The following MAP2K5 variants were observed in gnomAD, a reference collection of about 807,000 sequenced individuals.
The protein encoded by MAP2K5 is mitogen-activated protein kinase kinase 5.
Under a neutral mutation model 83.1 loss-of-function variants are expected in MAP2K5, and 49 were observed. The ratio of observed to expected loss-of-function variants is 0.59; its 90% CI spans 0.47 to 0.75. The LOEUF (loss-of-function observed/expected upper bound fraction) is 0.75, where lower values mean the gene tolerates loss of function less well. MAP2K5 is among the 30% of genes least tolerant of loss of function. The probability of loss-of-function intolerance (pLI) is 0.00; values close to 1 mark genes in which losing one functional copy is unlikely to be tolerated. For missense variants in MAP2K5, 457 were observed against 557.5 expected (o/e 0.82, Z 1.82); for synonymous variants, 202 against 191.8 (o/e 1.05, Z -0.44).
At position 67,748,859 on chromosome 15, in the gene MAP2K5, A is replaced by G. The variant is rs1279962431; in HGVS notation, c.1134+258A>G. On this transcript the variant is annotated intron_variant, in intron 19 of 21. Coordinates refer to ENST00000178640, the MANE Select transcript of MAP2K5 (RefSeq NM_145160.3). The surrounding 1 kb of genome is among the most constrained non-coding windows in gnomAD (Gnocchi z 4.0). ...GATGCCCTAAAGACAAAACACAATA[A>G]TATTAATTGACCCTCTCCCTGGCCA... Among the ~76,000 whole-genome samples the G allele has an allele frequency of 6.6e-6, 1 of 152,180 alleles. No homozygotes were observed. The highest frequency in any genetic ancestry group is 1.5e-5 in the Non-Finnish European group (1 of 68,040).
At chr15:67,546,393 A>C (rs557045872) in intron 1 of MAP2K5, 111 of 159,110 alleles carry the variant, frequency 7.0e-4, no homozygotes, top group Admixed American at 1.4e-3. Flanking sequence ...CACAGATGCC[A>C]GAAGCAGGTT....
At chr15:67,645,417 G>T (rs11637027) in intron 9 of MAP2K5, among the ~76,000 whole-genome samples, 82,252 of 151,686 alleles carry the variant, frequency 0.54, 23,009 homozygotes, top group Non-Finnish European at 0.6. Flanking sequence ...GGCAGAGATT[G>T]CAGTGAACCA....
In MAP2K5 at chr15:67,790,437, A is replaced by G. The variant is rs761616134; in HGVS notation, c.1243-16209A>G. Among the ~76,000 whole-genome samples, 4 of 152,192 alleles carry G rather than the reference A, an allele frequency of 2.6e-5. No homozygotes were observed. The highest frequency in any genetic ancestry group is 5.9e-5 in the Non-Finnish European group (4 of 68,042). On this transcript the variant is annotated intron_variant, in intron 21 of 21. Coordinates refer to ENST00000178640, the MANE Select transcript of MAP2K5 (RefSeq NM_145160.3). This position sits in a 1 kb window ranked among gnomAD's most constrained non-coding sequence, Gnocchi z 4.6. ...TAAAAATACCCTTTTCATATCACAC[A>G]CTAATAAACTGTATTTGAAATGCTG...
intron 13 of MAP2K5, among the ~76,000 whole-genome samples, chr15:67,685,471 T>TGATG (rs1365392362): frequency 1.8e-4 from 22 of 124,638 alleles, no homozygotes; most frequent in Non-Finnish European, 5.4e-5. Context: ...AGGAAACTGA[T>TGATG]GATGGATGGT....
rs2090722749 is a variant in MAP2K5, at chr15:67,802,420, T to G, written c.1243-4226T>G. On this transcript the variant is annotated intron_variant, in intron 21 of 21. Coordinates refer to ENST00000178640, the MANE Select transcript of MAP2K5 (RefSeq NM_145160.3). The surrounding 1 kb of genome is among the most constrained non-coding windows in gnomAD (Gnocchi z 5.0). ...CTCCCGACTCTCCCCTGTGTCCCAC[T>G]TTTGGAGTCATCCTGCCTCTGGCAG... Among the ~76,000 whole-genome samples, 1 of 152,256 alleles carries G rather than the reference T, an allele frequency of 6.6e-6. No homozygotes were observed. Among genetic ancestry groups the G allele is most frequent in the Non-Finnish European group, 1.5e-5 (1 of 68,042 alleles).
intron 9 of MAP2K5, chr15:67,642,449 A>G (rs1346038873): frequency 6.2e-7 from 1 of 1,611,606 alleles, no homozygotes; most frequent in Non-Finnish European, 8.5e-7. Flanking sequence ...GGCAGAATGT[A>G]CATATTGAGG....
chr15:67,750,247 A>C lies in MAP2K5; in HGVS notation c.1134+1646A>C, dbSNP rs1475258130. Reference sequence around the variant, plus strand: ...CATTTCTTTCTTAGTCAAGAGAAAAATGTAACTTAGACATATATTCCTGTT... The same window carrying C: ...CATTTCTTTCTTAGTCAAGAGAAAACTGTAACTTAGACATATATTCCTGTT... On this transcript the variant is annotated intron_variant, in intron 19 of 21. Transcript: ENST00000178640. This position sits in a 1 kb window ranked among gnomAD's most constrained non-coding sequence, Gnocchi z 4.2. Among the ~76,000 whole-genome samples the C allele has an allele frequency of 6.6e-6, 1 of 152,236 alleles. No homozygotes were observed. The highest frequency in any genetic ancestry group is 2.4e-5 in the African/African-American group (1 of 41,464).
intron 21 of MAP2K5, among the ~76,000 whole-genome samples, chr15:67,804,683 G>A (rs1453600125): frequency 1.3e-5 from 2 of 152,318 alleles, no homozygotes; most frequent in South Asian, 2.1e-4. Context: ...AAAGTCACCC[G>A]GCATTCTGGG....
At chr15:67,625,505 TGTC>T (rs1809685319) in intron 8 of MAP2K5, among the ~76,000 whole-genome samples, 1 of 152,256 alleles carries the variant, frequency 6.6e-6, no homozygotes, top group African/African-American at 2.4e-5. Flanking sequence ...GGTGTATAGT[TGTC>T]TTTTGGTGTA....
At position 67,570,694 on chromosome 15, in the gene MAP2K5, A is replaced by G. The variant is rs557605157; in HGVS notation, c.252+7344A>G. ...TGAGTAGCGTTATAATTGAATTTGT[A>G]GCCATTTGATAGAGTTAAGATTGTT... On this transcript the variant is annotated intron_variant, in intron 3 of 21. Transcript: ENST00000178640. Among the ~76,000 whole-genome samples the G allele has an allele frequency of 2.1e-4, 32 of 152,372 alleles. No homozygotes were observed. In the South Asian group the frequency reaches 6.0e-3, roughly 29 times the overall value.
chr15:67,571,884 A>G (rs1434833325), intron 3 of MAP2K5, among the ~76,000 whole-genome samples: 1 of 152,152 alleles, frequency 6.6e-6, no homozygotes, highest in Non-Finnish European at 1.5e-5. Flanking sequence ...GCCAAGCACT[A>G]TGCAAGGTGG....
rs1305454962 is a variant in MAP2K5, at chr15:67,793,514, T to G, written c.1243-13132T>G. Among the ~76,000 whole-genome samples the G allele has an allele frequency of 2.6e-5, 4 of 152,212 alleles. No individual in the cohort carries two copies. In the East Asian group the frequency reaches 5.8e-4, roughly 22 times the overall value. ...TCGTCTTCTCCTTCTATTTGGCTGT[T>G]TCTCTTGTGCTTTTAATTGGGAAAT... On this transcript the variant is annotated intron_variant, in intron 21 of 21. Coordinates refer to ENST00000178640, the MANE Select transcript of MAP2K5 (RefSeq NM_145160.3). The surrounding 1 kb of genome is among the most constrained non-coding windows in gnomAD (Gnocchi z 4.6).
At chr15:67,583,970 A>ACCT (rs2085237739) in intron 4 of MAP2K5, among the ~76,000 whole-genome samples, 1 of 143,518 alleles carries the variant, frequency 7.0e-6, no homozygotes, top group African/African-American at 2.7e-5. Context: ...GCTGGTGTCA[A>ACCT]ACTCCTGAGC....
intron 17 of MAP2K5, 85 bp downstream of exon 17, chr15:67,728,030 C>A: frequency 1.8e-6 from 2 of 1,102,328 alleles, no homozygotes; most frequent in Non-Finnish European, 2.8e-6. Context: ...AACATTTGAG[C>A]CACATACAAA....
Position 67,770,286 on chromosome 15 carries a change from C to A in MAP2K5, c.1196+623C>A, listed in dbSNP as rs2090117096. 6.6e-6 allele frequency among the ~76,000 whole-genome samples: 1 copy of A among 152,202 alleles called. No homozygotes were observed. The highest frequency in any genetic ancestry group is 2.4e-5 in the African/African-American group (1 of 41,450). On this transcript the variant is annotated intron_variant, in intron 20 of 21. Transcript: ENST00000178640. The surrounding 1 kb of genome is among the most constrained non-coding windows in gnomAD (Gnocchi z 5.0). ...TCTGAAGAAACAAGCATTTTACTGC[C>A]AAGGGTTCTTTGCCAGCCTTCTGCC...
intron 6 of MAP2K5, among the ~76,000 whole-genome samples, chr15:67,591,517 C>T (rs147887842): frequency 0.012 from 1,778 of 151,154 alleles, 45 homozygotes; most frequent in African/African-American, 0.041. Flanking sequence ...CTACAGGCGC[C>T]GGCCACCACA....
In MAP2K5 at chr15:67,552,751, C is replaced by T. The variant is rs1451089289; in HGVS notation, c.184+2669C>T. Among the ~76,000 whole-genome samples the T allele has an allele frequency of 2.0e-5, 3 of 152,088 alleles. No homozygotes were observed. The highest frequency in any genetic ancestry group is 6.5e-5 in the Admixed American group (1 of 15,272). On this transcript the variant is annotated intron_variant, in intron 2 of 21. Transcript: ENST00000178640. The surrounding 1 kb of genome is among the most constrained non-coding windows in gnomAD (Gnocchi z 4.2). ...TGTACCCACGAAGTACTTAAAAGGA[C>T]ATTATTAGCTCTGTTTTTTGGTTGA...
intron 19 of MAP2K5, among the ~76,000 whole-genome samples, chr15:67,763,153 C>G (rs1044860193): frequency 6.6e-5 from 10 of 152,060 alleles, no homozygotes; most frequent in African/African-American, 2.4e-4. Flanking sequence ...CATCTGCCAG[C>G]CTTCCTAAGT....
chr15:67,758,823 C>G lies in MAP2K5; in HGVS notation c.1134+10222C>G, dbSNP rs1027669491. Among the ~76,000 whole-genome samples the G allele has an allele frequency of 2.0e-5, 3 of 152,166 alleles. No homozygotes were observed. Among genetic ancestry groups the G allele is most frequent in the Admixed American group, 2.0e-4 (3 of 15,274 alleles). On this transcript the variant is annotated intron_variant, in intron 19 of 21. Coordinates refer to ENST00000178640, the MANE Select transcript of MAP2K5 (RefSeq NM_145160.3). This position sits in a 1 kb window ranked among gnomAD's most constrained non-coding sequence, Gnocchi z 4.7. ...GAGTGACAATCAAAGGGTAAGGTTCCTTACATTATACTATCACTGATTTGA... is the reference window on the plus strand; with the variant it reads ...GAGTGACAATCAAAGGGTAAGGTTCGTTACATTATACTATCACTGATTTGA...
Sources: gnomAD v4.1 joint callset for allele counts (sites outside exome capture counted in the v4.1 genomes callset) on GRCh38, gnomAD v4.1.1 for gene constraint, Gnocchi (gnomAD v3.1) non-coding constraint, MANE v1.5 for transcripts, NCBI Gene and HGNC (gene_info 2026-07-23, HGNC 2026-07-21) for gene names.